NUDT4: variants seen among roughly 807,000 people sequenced by gnomAD.
NUDT4 encodes diphosphoinositol polyphosphate phosphohydrolase 2.
NUDT4 carries 5 observed loss-of-function variants against 23.1 expected under a neutral mutation model. The observed-to-expected ratio is 0.22, with a 90% CI of 0.11 to 0.46. NUDT4 has a LOEUF of 0.46. NUDT4 is among the 20% of genes least tolerant of loss of function. NUDT4 has a pLI of 0.99. For missense variants in NUDT4, 96 were observed against 211.6 expected (o/e 0.45, Z 3.39); for synonymous variants, 50 against 79.0 (o/e 0.63, Z 1.95).
chr12:93,395,425 C>T (rs1212581753), intron 2 of NUDT4, 64 bp from the exon 3 acceptor site: 2 of 1,165,906 alleles, frequency 1.7e-6, no homozygotes, highest in South Asian at 1.3e-5. Flanking sequence ...CAGAGTGTAA[C>T]TTGTATTTAT....
At chr12:93,398,552 A>G (rs576117339) in intron 3 of NUDT4, among the ~76,000 whole-genome samples, 5 of 152,236 alleles carry the variant, frequency 3.3e-5, no homozygotes, top group Non-Finnish European at 2.9e-5. Context: ...CACCACCAGT[A>G]ATGATGAAGC....
In NUDT4 at chr12:93,400,722, GC is replaced by G. The variant is rs1394109154; in HGVS notation, c.*1345del. 2 of 152,572 alleles carry G rather than the reference GC, an allele frequency of 1.3e-5. No homozygotes were observed. Among genetic ancestry groups the G allele is most frequent in the Admixed American group, 1.3e-4 (2 of 15,280 alleles). The allele number at this position is 152,572 out of a possible 1,614,324, so 9.5% of individuals were successfully genotyped here. The stretch of plus-strand genomic sequence containing the variant: ...CCTCCCGGGTTCAAGCGATTCTCCT[GC>G]CTCAGCCTCCCGAGTAGTTGGGATT... On this transcript the variant is annotated 3_prime_UTR_variant, in exon 5 of 5. Transcript: ENST00000415493.
intron 1 of NUDT4, among the ~76,000 whole-genome samples, chr12:93,390,526 T>C (rs1240438346): frequency 6.6e-6 from 1 of 151,952 alleles, no homozygotes; most frequent in Non-Finnish European, 1.5e-5. Context: ...TAGAGACCCT[T>C]GCATGCACTT....
intron 3 of NUDT4, among the ~76,000 whole-genome samples, chr12:93,398,131 A>G (rs1227066698): frequency 6.6e-6 from 1 of 151,908 alleles, no homozygotes; most frequent in East Asian, 1.9e-4. Context: ...TCATGAGGTC[A>G]GGGTTTAAGA....
chr12:93,400,791 T>G lies in NUDT4; in HGVS notation c.*1412T>G, dbSNP rs1458910430. 6.6e-6 allele frequency: 1 copy of G among 152,290 alleles called. No homozygotes were observed. The highest frequency in any genetic ancestry group is 2.4e-5 in the African/African-American group (1 of 41,488). The allele number at this position is 152,290 out of a possible 1,614,324, so 9.4% of individuals were successfully genotyped here. ...TGCCTGGCTAATTTTGTATTTTTAGTAGAGACAGGGTTTCTTCATGTTGGT... is the reference window on the plus strand; with the variant it reads ...TGCCTGGCTAATTTTGTATTTTTAGGAGAGACAGGGTTTCTTCATGTTGGT... On this transcript the variant is annotated 3_prime_UTR_variant, in exon 5 of 5. Coordinates refer to ENST00000415493, the MANE Select transcript of NUDT4 (RefSeq NM_019094.6).
Position 93,405,716 on chromosome 12 carries a change from A to G in NUDT4, c.*6337A>G, listed in dbSNP as rs933931380. On this transcript the variant is annotated 3_prime_UTR_variant, in exon 5 of 5. Transcript: ENST00000415493. The stretch of plus-strand genomic sequence containing the variant: ...GGTAGATGACAGATTTTTATTATTT[A>G]CACTTCTCTCAAATTATTACATTCA... 2 of 152,222 alleles carry G rather than the reference A, an allele frequency of 1.3e-5. No homozygotes were observed. The highest frequency in any genetic ancestry group is 4.8e-5 in the African/African-American group (2 of 41,460). 9.4% of individuals were successfully genotyped at this position (152,222 alleles called of 1,614,324 possible). A position where few individuals can be genotyped will look rare whatever the true frequency, so the allele number is the denominator to read the frequency against.
At position 93,398,882 on chromosome 12, in the gene NUDT4, CTCTGT is replaced by C. The variant is rs780490581; in HGVS notation, c.340+31_340+35del. ...TAAGTTCCCTTTTGTTATCTGAATA[CTCTGT>C]TCTAACAGAAGATTGGGAAGATTCT... is the stretch of plus-strand genomic sequence containing the variant. On this transcript the variant is annotated intron_variant, in intron 4 of 4. Transcript: ENST00000415493. The C allele has an allele frequency of 5.1e-5, 69 of 1,340,928 alleles. No individual in the cohort carries two copies. In the East Asian group the frequency reaches 1.4e-3, roughly 27 times the overall value. The allele number at this position is 1,340,928 out of a possible 1,614,324, so 83.1% of individuals were successfully genotyped here.
chr12:93,398,085 G>A (rs1877062166), intron 3 of NUDT4, among the ~76,000 whole-genome samples: 1 of 151,912 alleles, frequency 6.6e-6, no homozygotes, highest in South Asian at 2.1e-4. Context: ...GCTCACACCT[G>A]TAATCCCAGC....
At chr12:93,387,516 A>G (rs1355390080) in intron 1 of NUDT4, among the ~76,000 whole-genome samples, 1 of 152,210 alleles carries the variant, frequency 6.6e-6, no homozygotes, top group Non-Finnish European at 1.5e-5. Context: ...AAATGGTCAT[A>G]TAGCACTGAA....
chr12:93,392,562 T>C (rs1324679672), intron 1 of NUDT4, among the ~76,000 whole-genome samples: 1 of 149,616 alleles, frequency 6.7e-6, no homozygotes, highest in African/African-American at 2.5e-5. Flanking sequence ...CGGCCAGATA[T>C]TCATTTAAAA....
chr12:93,402,133 CTG>C lies in NUDT4; in HGVS notation c.*2756_*2757del, dbSNP rs1877492778. On this transcript the variant is annotated 3_prime_UTR_variant, in exon 5 of 5. Transcript: ENST00000415493. Reference sequence around the variant, plus strand: ...GCCATCCAATTTTCTGTCAATCACACTGTTGTATAAAGCAGCAGAACTGAAGG... The same window carrying C: ...GCCATCCAATTTTCTGTCAATCACACTTGTATAAAGCAGCAGAACTGAAGG... 6.6e-6 allele frequency: 1 copy of C among 151,222 alleles called. No homozygotes were observed. The allele number at this position is 151,222 out of a possible 1,614,324, so 9.4% of individuals were successfully genotyped here.
Position 93,386,080 on chromosome 12 carries a change from A to T in NUDT4, c.99+7659A>T, listed in dbSNP as rs537083718. 3.8e-4 allele frequency among the ~76,000 whole-genome samples: 57 copies of T among 151,048 alleles called. 1 individual carries two copies. In the South Asian group the frequency reaches 5.6e-3, roughly 15 times the overall value. ...AGCCTTGACTTCCCAGGCTCAGATG[A>T]TTCTCCCACCTCAGCCCCCCGAGTA... is the stretch of plus-strand genomic sequence containing the variant. On this transcript the variant is annotated intron_variant, in intron 1 of 4. Coordinates refer to ENST00000415493, the MANE Select transcript of NUDT4 (RefSeq NM_019094.6).
rs1032427139 is a variant in NUDT4, at chr12:93,406,726, A to C, written c.*7347A>C. 2.6e-5 allele frequency: 4 copies of C among 152,228 alleles called. No homozygotes were observed. The highest frequency in any genetic ancestry group is 9.6e-5 in the African/African-American group (4 of 41,462). 9.4% of individuals were successfully genotyped at this position (152,228 alleles called of 1,614,324 possible). On this transcript the variant is annotated 3_prime_UTR_variant, in exon 5 of 5. Transcript: ENST00000415493. ...AGGTATTATAAGTAATCTAAATATT[A>C]ACATAAGCGGGAGGATTTGTGTAGA...
At chr12:93,387,298 A>T (rs1876176864) in intron 1 of NUDT4, among the ~76,000 whole-genome samples, 2 of 152,208 alleles carry the variant, frequency 1.3e-5, no homozygotes, top group Admixed American at 1.3e-4. Context: ...TAGTAGTTCC[A>T]TAAAAATGTA....
chr12:93,382,707 C>G (rs1171591786), intron 1 of NUDT4, among the ~76,000 whole-genome samples: 1 of 108,892 alleles, frequency 9.2e-6, no homozygotes, highest in Non-Finnish European at 1.9e-5. Context: ...GACAGAGTCT[C>G]GCTCTGTCCT....
At chr12:93,380,709 A>T (rs1326984283) in intron 1 of NUDT4, among the ~76,000 whole-genome samples, 1 of 152,196 alleles carries the variant, frequency 6.6e-6, no homozygotes, top group South Asian at 2.1e-4. Flanking sequence ...CATGATTATT[A>T]CAGAATAAAC....
intron 1 of NUDT4, among the ~76,000 whole-genome samples, chr12:93,381,251 C>T (rs1875638979): frequency 6.6e-6 from 1 of 152,126 alleles, no homozygotes; most frequent in South Asian, 2.1e-4. Context: ...AGCTCTGGTC[C>T]TTTGTTTCTA....
rs899818678 is a variant in NUDT4, at chr12:93,402,211, G to C, written c.*2832G>C. The C allele has an allele frequency of 6.6e-6, 1 of 151,952 alleles. No individual in the cohort carries two copies. The highest frequency in any genetic ancestry group is 1.9e-4 in the East Asian group (1 of 5,198). The allele number at this position is 151,952 out of a possible 1,614,324, so 9.4% of individuals were successfully genotyped here. On this transcript the variant is annotated 3_prime_UTR_variant, in exon 5 of 5. Coordinates refer to ENST00000415493, the MANE Select transcript of NUDT4 (RefSeq NM_019094.6). ...AATTGCTTTGCATGGTCTCATTTGA[G>C]ATAATTGATGTAAGAATCCTGACTT... is the stretch of plus-strand genomic sequence containing the variant.
chr12:93,393,833 T>G (rs908005127), intron 1 of NUDT4, among the ~76,000 whole-genome samples: 1 of 152,204 alleles, frequency 6.6e-6, no homozygotes, highest in African/African-American at 2.4e-5. Context: ...TTTATGTGCA[T>G]TTCCCTATTT....
Sources: allele counts gnomAD v4.1 joint callset (sites outside exome capture counted in the v4.1 genomes callset), GRCh38; gene constraint gnomAD v4.1.1; transcripts MANE v1.5; gene names NCBI Gene and HGNC (gene_info 2026-07-23, HGNC 2026-07-21).